Variants in SETD2 observed in about 807,000 individuals in gnomAD.
The protein encoded by SETD2 is histone-lysine N-methyltransferase SETD2.
In SETD2, 31 loss-of-function variants were observed where a neutral mutation model predicts 242.1. The observed-to-expected ratio is 0.13, with a 90% CI of 0.10 to 0.17. The LOEUF is 0.17. SETD2 is among the 10% of genes least tolerant of loss of function. The pLI is 1.00. For missense variants in SETD2, 2,481 were observed against 3,046.3 expected, an observed-to-expected ratio of 0.81 and a Z score of 4.37; for synonymous variants, 1,006 against 1,066.5, an observed-to-expected ratio of 0.94 and a Z score of 1.11.
chr3:47,121,660 A>C lies in SETD2; in HGVS notation c.2976T>G (p.Thr992=). ...AAAATACAACTTCTGAGTCATCAGAAGTATGCACATGTCCTCCTTCTCCTC... is the reference window on the plus strand; with the variant it reads ...AAAATACAACTTCTGAGTCATCAGACGTATGCACATGTCCTCCTTCTCCTC... ...DERGEGGHVH[T]SDDSEVVFSS... The change falls in exon 3 of 21, where the codon ACT becomes ACG. Residue 992 remains threonine (T), a synonymous_variant. Coordinates refer to ENST00000409792, the MANE Select transcript of SETD2 (RefSeq NM_014159.7). 3 of 1,614,152 alleles carry C rather than the reference A, an allele frequency of 1.9e-6. No homozygotes were observed. Among genetic ancestry groups the C allele is most frequent in the Non-Finnish European group, 2.5e-6 (3 of 1,179,996 alleles).
rs550965892 is a variant in SETD2, at chr3:47,050,596, G to C, written c.6964-3975C>G. On this transcript the variant is annotated intron_variant, in intron 15 of 20. Coordinates refer to ENST00000409792, the MANE Select transcript of SETD2 (RefSeq NM_014159.7). ...TGGAATATTTTGGATTTTGACTTAGGGATGCTCTACCACTAAGTATATATA... is the reference window on the plus strand; with the variant it reads ...TGGAATATTTTGGATTTTGACTTAGCGATGCTCTACCACTAAGTATATATA... 3.3e-5 allele frequency among the ~76,000 whole-genome samples: 5 copies of C among 151,742 alleles called. No homozygotes were observed. In the South Asian group the frequency reaches 1.0e-3, roughly 32 times the overall value.
intron 6 of SETD2, among the ~76,000 whole-genome samples, chr3:47,105,427 A>AT (rs2042373193): frequency 1.3e-5 from 2 of 149,958 alleles, no homozygotes; most frequent in Non-Finnish European, 3.0e-5. Flanking sequence ...AAAAAAAAAA[A>AT]GGCACTCTGG....
At chr3:47,141,637 T>G (rs2043729621) in intron 1 of SETD2, among the ~76,000 whole-genome samples, 1 of 152,204 alleles carries the variant, frequency 6.6e-6, no homozygotes, top group South Asian at 2.1e-4. Context: ...ATTTCATGTT[T>G]CACAAGTAAG....
chr3:47,160,294 T>G (rs1697451635), intron 1 of SETD2, among the ~76,000 whole-genome samples: 1 of 151,900 alleles, frequency 6.6e-6, no homozygotes, highest in Non-Finnish European at 1.5e-5. Flanking sequence ...TCTACATTAT[T>G]TATTTAATTT....
At chr3:47,102,835 T>C (rs902621640) in intron 7 of SETD2, among the ~76,000 whole-genome samples, 3 of 149,924 alleles carry the variant, frequency 2.0e-5, no homozygotes, top group Admixed American at 6.6e-5. Flanking sequence ...CCCTCATCAG[T>C]GTTATTAAAA....
In SETD2 at chr3:47,121,667, A is replaced by G. The variant is rs1211480425; in HGVS notation, c.2969T>C (p.Val990Ala). ...AACTTCTGAGTCATCAGAAGTATGC[A>G]CATGTCCTCCTTCTCCTCTTTCATC... ...SLDERGEGGH[V>A]HTSDDSEVVF... The change falls in exon 3 of 21, where the codon GTG becomes GCG. Residue 990 changes from valine to alanine, a missense_variant. By Grantham distance (64) the Val-to-Ala change is moderately conservative (BLOSUM62 0). Transcript: ENST00000409792. The G allele has an allele frequency of 6.2e-7, 1 of 1,613,666 alleles. No homozygotes were observed. Among genetic ancestry groups the G allele is most frequent in the Non-Finnish European group, 8.5e-7 (1 of 1,179,702 alleles).
At chr3:47,064,554 C>T in intron 13 of SETD2, 1 of 289,028 alleles carries the variant, frequency 3.5e-6, no homozygotes, top group South Asian at 3.2e-5. Context: ...AGGAATCATA[C>T]CAACAGTTCA....
chr3:47,072,813 G>A (rs2040882269), intron 12 of SETD2, among the ~76,000 whole-genome samples: 1 of 151,900 alleles, frequency 6.6e-6, no homozygotes, highest in Non-Finnish European at 1.5e-5. Context: ...TGTGCGTGGT[G>A]GCGGGCATCT....
At position 47,019,859 on chromosome 3, in the gene SETD2, A is replaced by G. The variant is rs762282594; in HGVS notation, c.7351-19T>C. ...TCGAGGCCTAAAAATGGAGGAGAAA[A>G]CACAGTGGTGCTGGCATGAGAAGTC... On this transcript the variant is annotated intron_variant, in intron 18 of 20. Transcript: ENST00000409792. The G allele has an allele frequency of 1.9e-6, 3 of 1,607,444 alleles. No homozygotes were observed. Among genetic ancestry groups the G allele is most frequent in the Non-Finnish European group, 2.6e-6 (3 of 1,174,034 alleles).
intron 13 of SETD2, among the ~76,000 whole-genome samples, chr3:47,066,302 A>G (rs1437767294): frequency 6.6e-6 from 1 of 152,204 alleles, no homozygotes; most frequent in East Asian, 1.9e-4. Flanking sequence ...TGTATCTCCT[A>G]TGTTGTTCAA....
chr3:47,124,653 T>C (rs1427267376), intron 2 of SETD2, 105 bp from the exon 3 acceptor site: 2 of 950,722 alleles, frequency 2.1e-6, no homozygotes, highest in Non-Finnish European at 3.1e-6. Flanking sequence ...CCCTTTTTAA[T>C]AACAAATAGT....
intron 1 of SETD2, among the ~76,000 whole-genome samples, chr3:47,129,894 A>G (rs1242412040): frequency 1.3e-5 from 2 of 151,754 alleles, no homozygotes; most frequent in East Asian, 1.9e-4. Context: ...AAAAAAAAAG[A>G]AAAAAGAAAA....
chr3:47,126,625 A>T, intron 2 of SETD2, 23 bp downstream of exon 2: 1 of 1,260,956 alleles, frequency 7.9e-7, no homozygotes, highest in Non-Finnish European at 1.1e-6. Flanking sequence ...TAATCATTGA[A>T]TGACTAGTTA....
intron 18 of SETD2, among the ~76,000 whole-genome samples, chr3:47,025,168 A>ACCT (rs1200294858): frequency 6.6e-6 from 1 of 151,622 alleles, no homozygotes; most frequent in Non-Finnish European, 1.5e-5. Flanking sequence ...TAATCTCCAC[A>ACCT]CCTCCTCCTC....
intron 5 of SETD2, among the ~76,000 whole-genome samples, chr3:47,113,609 C>T (rs2042741003): frequency 6.6e-6 from 1 of 151,798 alleles, no homozygotes; most frequent in African/African-American, 2.4e-5. Context: ...CCAAGGTGGG[C>T]GGAAAACTTG....
intron 18 of SETD2, among the ~76,000 whole-genome samples, chr3:47,033,652 ATTTTTTTT>A (rs34978514): frequency 1.2e-4 from 11 of 90,864 alleles, no homozygotes; most frequent in Admixed American, 6.5e-4. Context: ...TCATGGTTTG[ATTTTTTTT>A]TTTTTTTTTT....
chr3:47,151,274 A>T (rs6442060), intron 1 of SETD2, among the ~76,000 whole-genome samples: 131,617 of 152,196 alleles, frequency 0.86, 57,344 homozygotes, highest in African/African-American at 0.96. Flanking sequence ...CCTTTCTTGA[A>T]ACTTCGTATT....
chr3:47,153,993 G>T (rs2044063826), intron 1 of SETD2, among the ~76,000 whole-genome samples: 2 of 152,110 alleles, frequency 1.3e-5, no homozygotes, highest in South Asian at 4.1e-4. Flanking sequence ...CACCTTCCAC[G>T]TAGCACAATA....
intron 9 of SETD2, 120 bp from the exon 10 acceptor site, chr3:47,088,367 G>T: frequency 1.1e-6 from 1 of 907,974 alleles, no homozygotes; most frequent in Non-Finnish European, 1.7e-6. Context: ...AGACCAAACT[G>T]GGAAAGTACT....
Sources: allele counts gnomAD v4.1 joint callset (sites outside exome capture counted in the v4.1 genomes callset), GRCh38; gene constraint gnomAD v4.1.1; transcripts MANE v1.5; gene names NCBI Gene and HGNC (gene_info 2026-07-23, HGNC 2026-07-21).